Variants in PSMD11 observed in about 807,000 individuals in gnomAD.
The protein encoded by PSMD11 is proteasome 26S subunit, non-ATPase 11, also known as 26S proteasome non-ATPase regulatory subunit 11.
PSMD11 carries 5 observed loss-of-function variants against 62.3 expected under a neutral mutation model. The ratio of observed to expected loss-of-function variants is 0.08; its 90% CI spans 0.04 to 0.17. The LOEUF is 0.17. Among genes scored for constraint, PSMD11 ranks in the 10% least tolerant of loss-of-function variants. The pLI is 1.00. For synonymous variants in PSMD11, 191 were observed against 191.8 expected (o/e 1.00, Z 0.03); for missense variants, 310 against 512.9 (o/e 0.60, Z 3.82).
intron 9 of PSMD11, among the ~76,000 whole-genome samples, chr17:32,479,040 A>G (rs1908413586): frequency 6.6e-6 from 1 of 152,114 alleles, no homozygotes. Context: ...CTCCCGAGTG[A>G]CTGGGACTCC....
intron 12 of PSMD11, 100 bp from the exon 13 acceptor site, chr17:32,480,389 T>C: frequency 1.3e-6 from 2 of 1,505,862 alleles, no homozygotes; most frequent in Non-Finnish European, 1.8e-6. Flanking sequence ...ATTTCCCTTC[T>C]TTTCTGGACA....
chr17:32,470,958 C>T (rs971510960), intron 6 of PSMD11, among the ~76,000 whole-genome samples: 6 of 152,272 alleles, frequency 3.9e-5, no homozygotes, highest in South Asian at 4.2e-4. Flanking sequence ...TGGAAGGACG[C>T]ATCACTCAAT....
At chr17:32,476,955 T>A (rs1424643993) in intron 8 of PSMD11, 1 of 152,328 alleles carries the variant, frequency 6.6e-6, no homozygotes, top group Non-Finnish European at 1.5e-5. Context: ...TTTCACCATG[T>A]TGGCCAGGCT....
At chr17:32,472,848 T>TC (rs1908207915) in intron 6 of PSMD11, among the ~76,000 whole-genome samples, 3 of 150,870 alleles carry the variant, frequency 2.0e-5, no homozygotes, top group African/African-American at 4.8e-5. Context: ...TTTTCTTTTT[T>TC]TTTTTTTTTT....
At chr17:32,474,948 CT>C (rs1908275079) in intron 8 of PSMD11, 124 bp downstream of exon 8, 2 of 882,688 alleles carry the variant, frequency 2.3e-6, no homozygotes, top group Non-Finnish European at 1.8e-6. Flanking sequence ...GCCCCACTCA[CT>C]TCCTTCCCTT....
rs1455023613 is a variant in PSMD11, at chr17:32,480,533, C to T, written c.1171C>T (p.Pro391Ser). ...GGGTGTCCTGATTATTTTCGATGAA[C>T]CCCCAGTAGATAAAACTTACGAAGC... ...GEGVLIIFDEPPVDKTYEAAL... is the reference protein window; with the variant it reads ...GEGVLIIFDESPVDKTYEAAL... The change falls in exon 13 of 14, where the codon CCC (proline) becomes TCC (serine). Residue 391 changes from proline to serine, a missense_variant. Coordinates refer to ENST00000261712, the MANE Select transcript of PSMD11 (RefSeq NM_002815.4). 6.2e-7 allele frequency: 1 copy of T among 1,613,948 alleles called. No individual in the cohort carries two copies. Among genetic ancestry groups the T allele is most frequent in the East Asian group, 2.2e-5 (1 of 44,898 alleles).
chr17:32,463,682 C>T (rs139956952), intron 3 of PSMD11, among the ~76,000 whole-genome samples: 5 of 152,302 alleles, frequency 3.3e-5, no homozygotes, highest in African/African-American at 1.2e-4. Context: ...TTATACATTA[C>T]CATTACTATT....
chr17:32,480,807 TG>T lies in PSMD11; in HGVS notation c.*60del. 6 of 633,926 alleles carry T rather than the reference TG, an allele frequency of 9.5e-6. No homozygotes were observed. The highest frequency in any genetic ancestry group is 4.4e-4 in the Middle Eastern group (1 of 2,272). The allele number at this position is 633,926 out of a possible 1,614,324, so 39.3% of individuals were successfully genotyped here. A position where few individuals can be genotyped will look rare whatever the true frequency, so the allele number is the denominator to read the frequency against. ...TGTGTGTGGCGGGAGAGTGAAACCTTGGGGGAAAATGCTAGGAGATTCTTTT... is the reference window on the plus strand; with the variant it reads ...TGTGTGTGGCGGGAGAGTGAAACCTTGGGGAAAATGCTAGGAGATTCTTTT... On this transcript the variant is annotated 3_prime_UTR_variant, in exon 14 of 14. Coordinates refer to ENST00000261712, the MANE Select transcript of PSMD11 (RefSeq NM_002815.4).
chr17:32,466,113 G>A (rs1202148831), intron 5 of PSMD11, among the ~76,000 whole-genome samples: 2 of 151,988 alleles, frequency 1.3e-5, no homozygotes, highest in African/African-American at 4.8e-5. Context: ...CTCCTGTCTC[G>A]GCCTCCCGAA....
intron 13 of PSMD11, 45 bp downstream of exon 13, chr17:32,480,676 C>T: frequency 6.2e-7 from 1 of 1,605,048 alleles, no homozygotes; most frequent in Non-Finnish European, 8.5e-7. Context: ...GCTCTGTCTT[C>T]TGCGTGTCGA....
rs549247016 is a variant in PSMD11, at chr17:32,444,749, C to T, written c.91+135C>T. 1.2e-4 allele frequency: 132 copies of T among 1,098,004 alleles called. No homozygotes were observed. In the South Asian group the frequency reaches 1.9e-3, roughly 16 times the overall value. The allele number at this position is 1,098,004 out of a possible 1,614,324, so 68.0% of individuals were successfully genotyped here. ...TGTGTGAGGGGGGCCGGGCCGGGGG[C>T]GCAGGCCGCTCGGAGCTCCCCAGAG... is the stretch of plus-strand genomic sequence containing the variant. On this transcript the variant is annotated intron_variant, in intron 1 of 13. Coordinates refer to ENST00000261712, the MANE Select transcript of PSMD11 (RefSeq NM_002815.4).
chr17:32,479,743 CA>C (rs1908435156), intron 10 of PSMD11, 107 bp from the exon 11 acceptor site: 4 of 1,328,866 alleles, frequency 3.0e-6, no homozygotes, highest in Non-Finnish European at 2.1e-6. Flanking sequence ...GAGGGTCTTA[CA>C]TTAGAATTTT....
At chr17:32,446,883 A>G in intron 1 of PSMD11, 62 bp from the exon 2 acceptor site, 1 of 1,187,018 alleles carries the variant, frequency 8.4e-7, no homozygotes, top group East Asian at 2.6e-5. Context: ...TGAGGGTGAA[A>G]TTTCCCTCAG....
chr17:32,474,008 G>C (rs1289724157), intron 7 of PSMD11, 63 bp downstream of exon 7: 6 of 1,582,060 alleles, frequency 3.8e-6, no homozygotes, highest in Admixed American at 1.7e-5. Context: ...GTTTGCCATG[G>C]CAGAGATGGC....
rs201362675 is a variant in PSMD11, at chr17:32,481,119, TCTC to T, written c.*377_*379del. On this transcript the variant is annotated 3_prime_UTR_variant, in exon 14 of 14. Coordinates refer to ENST00000261712, the MANE Select transcript of PSMD11 (RefSeq NM_002815.4). ...CCTAATCCACCTGCTGGGCATCACC[TCTC>T]CTCCTCCTCAGAATTGGGTGTTTGC... 736 of 155,168 alleles carry T rather than the reference TCTC, an allele frequency of 4.7e-3. 5 individuals carry two copies. The highest frequency in any genetic ancestry group is 0.016 in the African/African-American group (646 of 41,522). The allele number at this position is 155,168 out of a possible 1,614,324, so 9.6% of individuals were successfully genotyped here.
chr17:32,449,728 A>G (rs554187432), intron 2 of PSMD11, among the ~76,000 whole-genome samples: 59 of 152,332 alleles, frequency 3.9e-4, no homozygotes, highest in Admixed American at 8.5e-4. Flanking sequence ...TGGGAACTCT[A>G]AGGAAGTGTT....
At chr17:32,480,385 C>T in intron 12 of PSMD11, 104 bp from the exon 13 acceptor site, 1 of 1,498,136 alleles carries the variant, frequency 6.7e-7, no homozygotes, top group South Asian at 1.2e-5. Context: ...TTCTATTTCC[C>T]TTCTTTTCTG....
intron 5 of PSMD11, 77 bp downstream of exon 5, chr17:32,464,655 A>G: frequency 1.8e-6 from 2 of 1,112,562 alleles, no homozygotes. Context: ...CTTACTAATT[A>G]CCTGTTAATA....
intron 10 of PSMD11, 81 bp downstream of exon 10, chr17:32,479,457 A>C (rs959000293): frequency 1.3e-6 from 2 of 1,554,804 alleles, no homozygotes. Context: ...CCAGAATGGG[A>C]ACTCACTTCT....
Sources: allele counts gnomAD v4.1 joint callset (sites outside exome capture counted in the v4.1 genomes callset), GRCh38; gene constraint gnomAD v4.1.1; transcripts MANE v1.5; gene names NCBI Gene and HGNC (gene_info 2026-07-23, HGNC 2026-07-21).